Variants in AZIN2 observed in about 807,000 individuals in gnomAD.
The protein encoded by AZIN2 is ODC antizyme inhibitor-2.
AZIN2 carries 28 observed loss-of-function variants against 47.8 expected under a neutral mutation model. The ratio of observed to expected loss-of-function variants is 0.59; its 90% CI spans 0.43 to 0.80. The LOEUF (loss-of-function observed/expected upper bound fraction) is 0.80, where lower values mean the gene tolerates loss of function less well. Among genes scored for constraint, AZIN2 ranks in the 30% least tolerant of loss-of-function variants. The pLI, the probability that AZIN2 is intolerant of heterozygous loss-of-function variation, is 0.00. For synonymous variants in AZIN2, 221 were observed against 239.4 expected (o/e 0.92, Z 0.71); for missense variants, 535 against 582.5 (o/e 0.92, Z 0.84).
the AZIN2 span, among the ~76,000 whole-genome samples, chr1:33,140,804 C>T: frequency 1.3e-5 from 2 of 152,184 alleles, no homozygotes; most frequent in African/African-American, 4.8e-5. This position sits in a 1 kb window ranked among gnomAD's most constrained non-coding sequence, Gnocchi z 4.0. Flanking sequence ...TCTCTCTTCT[C>T]CTTGGAGAGG....
the AZIN2 span, among the ~76,000 whole-genome samples, chr1:33,140,276 AG>A: frequency 4.6e-5 from 7 of 152,238 alleles, no homozygotes; most frequent in African/African-American, 1.7e-4. This position sits in a 1 kb window ranked among gnomAD's most constrained non-coding sequence, Gnocchi z 4.0. Context: ...GGGTTTACCC[AG>A]GTCTCGACTC....
intron 5 of AZIN2, among the ~76,000 whole-genome samples, chr1:33,084,814 G>A (rs1641702851): frequency 6.6e-6 from 1 of 152,184 alleles, no homozygotes; most frequent in Non-Finnish European, 1.5e-5. Context: ...TGGCCAGGTT[G>A]ATCTCAAACT....
At chr1:33,083,744 G>A (rs1057010687) in intron 4 of AZIN2, 3 of 597,228 alleles carry the variant, frequency 5.0e-6, no homozygotes, top group South Asian at 1.9e-5. Context: ...CGCATTGAGG[G>A]GAGGGATTGG....
At chr1:33,151,378 A>G in the AZIN2 span, among the ~76,000 whole-genome samples, 1 of 152,106 alleles carries the variant, frequency 6.6e-6, no homozygotes, top group Non-Finnish European at 1.5e-5. Context: ...AGGCTGGGGC[A>G]GGGTGTGGCA....
the AZIN2 span, among the ~76,000 whole-genome samples, chr1:33,129,565 AAT>A: frequency 1.3e-5 from 2 of 152,168 alleles, no homozygotes; most frequent in South Asian, 2.1e-4. This position sits in a 1 kb window ranked among gnomAD's most constrained non-coding sequence, Gnocchi z 4.1. Flanking sequence ...TCCCCTCATA[AAT>A]ATATATAGTC....
At chr1:33,153,607 C>A in the AZIN2 span, among the ~76,000 whole-genome samples, 1 of 152,124 alleles carries the variant, frequency 6.6e-6, no homozygotes. Context: ...GTTGAGAAAC[C>A]CTGCACTGGG....
chr1:33,092,052 A>G lies in AZIN2; in HGVS notation c.282A>G (p.Ala94=). 6.2e-7 allele frequency: 1 copy of G among 1,613,446 alleles called. No individual in the cohort carries two copies. The highest frequency in any genetic ancestry group is 1.1e-5 in the South Asian group (1 of 90,998). Residue 94 remains alanine (A), a splice_region_variant and synonymous_variant, in exon 6 of 12, where the codon GCA becomes GCG. Transcript: ENST00000294517. ...LGLGFSCANK[A]EMELVQHIGI... is the part of the protein sequence containing the mutation. Reference sequence around the variant, plus strand: ...CAACCACCTTTGGGGCCCCATAGGCAGAGATGGAGTTGGTCCAGCATATTG... The same window carrying G: ...CAACCACCTTTGGGGCCCCATAGGCGGAGATGGAGTTGGTCCAGCATATTG...
In AZIN2 at chr1:33,113,077, G is replaced by A. The variant is rs1482730940; in HGVS notation, c.1030-4825G>A. Among the ~76,000 whole-genome samples the A allele has an allele frequency of 1.3e-5, 2 of 151,996 alleles. No homozygotes were observed. The highest frequency in any genetic ancestry group is 4.8e-5 in the African/African-American group (2 of 41,386). ...CAACCTCCACCTCCCAGGCTCAAGC[G>A]ATTCTCTTGGGAGGCCTCAGCCTCC... is the stretch of plus-strand genomic sequence containing the variant. On this transcript the variant is annotated intron_variant, in intron 10 of 11. Coordinates refer to ENST00000294517, the MANE Select transcript of AZIN2 (RefSeq NM_052998.4). This position sits in a 1 kb window ranked among gnomAD's most constrained non-coding sequence, Gnocchi z 4.1.
chr1:33,105,120 T>C (rs1643934124), intron 10 of AZIN2, among the ~76,000 whole-genome samples: 1 of 152,218 alleles, frequency 6.6e-6, no homozygotes. Flanking sequence ...TTCTAAAATA[T>C]TGGAAATAAT....
At chr1:33,127,225 G>T (rs900996523), downstream of AZIN2, among the ~76,000 whole-genome samples, 1 of 152,238 alleles carries the variant, frequency 6.6e-6, no homozygotes, top group African/African-American at 2.4e-5. Flanking sequence ...TTGCCTGGCG[G>T]AACCATGACT....
At chr1:33,088,301 G>A (rs576458690) in intron 5 of AZIN2, among the ~76,000 whole-genome samples, 15 of 152,104 alleles carry the variant, frequency 9.9e-5, no homozygotes, top group African/African-American at 3.4e-4. Context: ...TCCCTCTGAC[G>A]TCCTCGTCCT....
At position 33,103,581 on chromosome 1, in the gene AZIN2, C is replaced by A. The variant is rs183981718; in HGVS notation, c.1029+5402C>A. Reference sequence around the variant, plus strand: ...TACCCTGCTTATTTTCTTCACAACCCATCGTAATCTGTTAATTATCTTGTT... The same window carrying A: ...TACCCTGCTTATTTTCTTCACAACCAATCGTAATCTGTTAATTATCTTGTT... On this transcript the variant is annotated intron_variant, in intron 10 of 11. Coordinates refer to ENST00000294517, the MANE Select transcript of AZIN2 (RefSeq NM_052998.4). Among the ~76,000 whole-genome samples, 4 of 152,280 alleles carry A rather than the reference C, an allele frequency of 2.6e-5. No individual in the cohort carries two copies. In the East Asian group the frequency reaches 7.7e-4, roughly 29 times the overall value.
Position 33,081,993 on chromosome 1 carries a change from G to C in AZIN2, c.-73+181G>C. The C allele has an allele frequency of 2.0e-6, 1 of 504,976 alleles. No individual in the cohort carries two copies. The highest frequency in any genetic ancestry group is 3.6e-6 in the Non-Finnish European group (1 of 276,838). The allele number at this position is 504,976 out of a possible 1,614,324, so 31.3% of individuals were successfully genotyped here. ...CTGACTCGGAGAGGCAGTGACATTTGGGCATACGGTGCCTTGTCTCCGTCT... is the reference window on the plus strand; with the variant it reads ...CTGACTCGGAGAGGCAGTGACATTTCGGCATACGGTGCCTTGTCTCCGTCT... On this transcript the variant is annotated intron_variant, in intron 3 of 11. Coordinates refer to ENST00000294517, the MANE Select transcript of AZIN2 (RefSeq NM_052998.4). This position sits in a 1 kb window ranked among gnomAD's most constrained non-coding sequence, Gnocchi z 4.2.
chr1:33,110,699 G>T (rs1031254432), intron 10 of AZIN2, among the ~76,000 whole-genome samples: 10 of 152,140 alleles, frequency 6.6e-5, no homozygotes, highest in African/African-American at 1.4e-4. Flanking sequence ...GAGACAAAAA[G>T]ATATAAAATA....
In AZIN2 at chr1:33,113,844, A is replaced by G. The variant is rs2124645101; in HGVS notation, c.1030-4058A>G. The stretch of plus-strand genomic sequence containing the variant: ...TGTCTGTAGTTTTAATAAAGAATAG[A>G]TGCTACGGGCTACTTCATGGTATGT... On this transcript the variant is annotated intron_variant, in intron 10 of 11. Transcript: ENST00000294517. The surrounding 1 kb of genome is among the most constrained non-coding windows in gnomAD (Gnocchi z 4.1). Among the ~76,000 whole-genome samples, 1 of 152,300 alleles carries G rather than the reference A, an allele frequency of 6.6e-6. No homozygotes were observed. The highest frequency in any genetic ancestry group is 1.5e-5 in the Non-Finnish European group (1 of 68,030).
At chr1:33,097,431 A>G (rs553860667) in intron 9 of AZIN2, among the ~76,000 whole-genome samples, 19 of 152,164 alleles carry the variant, frequency 1.2e-4, no homozygotes, top group Non-Finnish European at 1.9e-4. Context: ...CTGGGCCCAC[A>G]TCACCAACAT....
intron 4 of AZIN2, chr1:33,082,600 C>T (rs974013944): frequency 2.4e-6 from 1 of 416,752 alleles, no homozygotes; most frequent in African/African-American, 2.1e-5. Context: ...CTGCTGCCCC[C>T]TCTCCCTCAC....
chr1:33,120,087 G>A lies in AZIN2; in HGVS notation c.1288G>A (p.Asp430Asn), dbSNP rs1181956347. ...GCTGATGGCTGCAGAACAGGAGGAT[G>A]ACGTGGAGGGTGTGTGCAAGCCTCT... Reference protein sequence around the residue: ...RQLMAAEQEDDVEGVCKPLSC... With the variant: ...RQLMAAEQEDNVEGVCKPLSC... The change falls in exon 12 of 12, where the codon GAC (aspartate) becomes AAC (asparagine). Residue 430 changes from aspartate (D) to asparagine (N), a missense_variant. Physicochemically the swap from Asp to Asn is conservative, Grantham distance 23. Transcript: ENST00000294517. The A allele has an allele frequency of 1.9e-6, 3 of 1,613,974 alleles. No homozygotes were observed. The Admixed American group carries it at 5.0e-5, about 27-fold the overall frequency.
At chr1:33,149,064 A>T in the AZIN2 span, among the ~76,000 whole-genome samples, 111,394 of 152,044 alleles carry the variant, frequency 0.73, 40,834 homozygotes, top group Admixed American at 0.76. Flanking sequence ...CCAGAGGCTC[A>T]ATTCAAAAGG....
Sources: allele counts gnomAD v4.1 joint callset (sites outside exome capture counted in the v4.1 genomes callset), GRCh38; gene constraint gnomAD v4.1.1; non-coding constraint Gnocchi (gnomAD v3.1); transcripts MANE v1.5; gene names NCBI Gene and HGNC (gene_info 2026-07-23, HGNC 2026-07-21).